KAZN: variants seen among roughly 807,000 people sequenced by gnomAD.
The protein encoded by KAZN is kazrin.
Under a neutral mutation model 87.4 loss-of-function variants are expected in KAZN, and 40 were observed. The ratio of observed to expected loss-of-function variants is 0.46; its 90% CI spans 0.36 to 0.60. The LOEUF is 0.60. Ranked by LOEUF, KAZN falls within the 20% of genes least tolerant of loss-of-function variation. The pLI is 0.00. For synonymous variants in KAZN, 466 were observed against 458.3 expected (o/e 1.02, Z -0.22); for missense variants, 898 against 1,073.9 (o/e 0.84, Z 2.29).
chr1:14,609,245 G>A (rs945626902), intron 1 of KAZN, among the ~76,000 whole-genome samples: 8 of 152,196 alleles, frequency 5.3e-5, no homozygotes, highest in African/African-American at 1.4e-4. Flanking sequence ...GGCAAGGCTT[G>A]GGTGCCATTT....
chr1:13,952,979 A>G (rs1219018944), intron 1 of KAZN, among the ~76,000 whole-genome samples: 1 of 152,178 alleles, frequency 6.6e-6, no homozygotes, highest in Non-Finnish European at 1.5e-5. Flanking sequence ...ATCATAAAAG[A>G]TATTCGAACA....
At chr1:15,112,329 A>ATGTGTG (rs58658629) in intron 13 of KAZN, 98 bp from the exon 14 acceptor site, 870 of 638,510 alleles carry the variant, frequency 1.4e-3, no homozygotes, top group African/African-American at 4.0e-3. Flanking sequence ...ATTGTCACCA[A>ATGTGTG]TGTGTGTGTG....
intron 2 of KAZN, among the ~76,000 whole-genome samples, chr1:14,386,404 A>C (rs1331424867): frequency 6.6e-6 from 1 of 151,762 alleles, no homozygotes; most frequent in African/African-American, 2.4e-5. Context: ...GTTTCTTCCT[A>C]GTCTCAATGG....
rs779188001 is a variant in KAZN at position 14,512,578 on chromosome 1, A to C, written c.250-86405A>C. Reference sequence around the variant, plus strand: ...AATCTACTGACTCAAGAAAGCACCAACTAGCTCCAATTCCCTAATTTCACA... The same window carrying C: ...AATCTACTGACTCAAGAAAGCACCACCTAGCTCCAATTCCCTAATTTCACA... On this transcript the variant is annotated intron_variant, in intron 2 of 16. Transcript: ENST00000636203. Among the ~76,000 whole-genome samples the C allele has an allele frequency of 6.2e-4, 88 of 142,572 alleles. 1 individual carries two copies. Among genetic ancestry groups the C allele is most frequent in the Non-Finnish European group, 5.6e-4 (37 of 66,650 alleles). The allele number at this position is 142,572 out of a possible 152,430, so 93.5% of individuals were successfully genotyped here.
At chr1:15,007,799 G>A (rs1000500492) in intron 2 of KAZN, among the ~76,000 whole-genome samples, 2 of 152,188 alleles carry the variant, frequency 1.3e-5, no homozygotes, top group African/African-American at 4.8e-5. Context: ...TAACAAACCT[G>A]AATGCCACCG....
intron 2 of KAZN, among the ~76,000 whole-genome samples, chr1:14,571,751 G>C (rs912795449): frequency 1.3e-5 from 2 of 152,178 alleles, no homozygotes; most frequent in Non-Finnish European, 2.9e-5. Flanking sequence ...CCTCCGCCAA[G>C]ATTCCATAGA....
chr1:14,946,589 G>A (rs937506934), intron 1 of KAZN, among the ~76,000 whole-genome samples: 20 of 152,090 alleles, frequency 1.3e-4, no homozygotes, highest in Non-Finnish European at 2.5e-4. Flanking sequence ...GAAAGCACGC[G>A]TCTGTTCACT....
chr1:15,027,800 G>A (rs16851160), intron 2 of KAZN, among the ~76,000 whole-genome samples: 3,323 of 152,162 alleles, frequency 0.022, 67 homozygotes, highest in African/African-American at 0.057. Flanking sequence ...CTGACCTTGC[G>A]ACATCCAGGA....
chr1:14,787,973 A>G (rs1190019602), intron 1 of KAZN, among the ~76,000 whole-genome samples: 3 of 152,226 alleles, frequency 2.0e-5, no homozygotes, highest in African/African-American at 7.2e-5. Context: ...AACCAAGCCA[A>G]TCAGCGGTGA....
chr1:14,476,171 A>G (rs1485470224), intron 2 of KAZN, among the ~76,000 whole-genome samples: 1 of 151,870 alleles, frequency 6.6e-6, no homozygotes, highest in Non-Finnish European at 1.5e-5. Context: ...ACTCTCTACT[A>G]TTTCCCTAGG....
intron 1 of KAZN, among the ~76,000 whole-genome samples, chr1:14,146,115 G>C (rs571898436): frequency 1.3e-5 from 2 of 152,042 alleles, no homozygotes; most frequent in South Asian, 4.2e-4. Context: ...TGGGTCACCT[G>C]AACAGTCATG....
chr1:14,225,558 G>A (rs1647235652), intron 2 of KAZN, among the ~76,000 whole-genome samples: 1 of 151,904 alleles, frequency 6.6e-6, no homozygotes, highest in Non-Finnish European at 1.5e-5. Context: ...AAAAAAATAA[G>A]CCTGAATAGC....
chr1:14,160,857 T>C (rs535848595), intron 1 of KAZN, among the ~76,000 whole-genome samples: 1 of 152,220 alleles, frequency 6.6e-6, no homozygotes, highest in Non-Finnish European at 1.5e-5. Context: ...TTTAGAAGAT[T>C]GCATCTGATG....
At chr1:14,445,625 C>T (rs1666942722) in intron 2 of KAZN, among the ~76,000 whole-genome samples, 1 of 152,148 alleles carries the variant, frequency 6.6e-6, no homozygotes, top group Non-Finnish European at 1.5e-5. Context: ...GGAACACCAA[C>T]ATGGTGGTCT....
intron 2 of KAZN, among the ~76,000 whole-genome samples, chr1:14,568,578 C>T (rs536940281): frequency 6.6e-6 from 1 of 152,244 alleles, no homozygotes; most frequent in Non-Finnish European, 1.5e-5. Flanking sequence ...GAGAACAGCA[C>T]AGGAAAAATC....
intron 1 of KAZN, among the ~76,000 whole-genome samples, chr1:14,020,081 T>A (rs980913155): frequency 6.6e-6 from 1 of 151,918 alleles, no homozygotes; most frequent in Non-Finnish European, 1.5e-5. Flanking sequence ...TAGATTCTCA[T>A]CAGGAGCATG....
intron 1 of KAZN, among the ~76,000 whole-genome samples, chr1:14,851,488 C>T (rs1003579966): frequency 1.3e-5 from 2 of 152,210 alleles, no homozygotes; most frequent in Non-Finnish European, 2.9e-5. Flanking sequence ...GTGCAGAGGG[C>T]CCATGGAGCC....
chr1:14,015,199 G>A (rs1165068593), intron 1 of KAZN, among the ~76,000 whole-genome samples: 1 of 152,088 alleles, frequency 6.6e-6, no homozygotes, highest in Admixed American at 6.5e-5. Flanking sequence ...CCAACATTAT[G>A]TGTGTGCCAA....
chr1:14,356,693 C>T (rs953408928), intron 2 of KAZN, among the ~76,000 whole-genome samples: 1 of 152,136 alleles, frequency 6.6e-6, no homozygotes, highest in African/African-American at 2.4e-5. Flanking sequence ...ATCCTTTCCC[C>T]ATTGCTTGTT....
Sources: allele counts gnomAD v4.1 joint callset (sites outside exome capture counted in the v4.1 genomes callset), GRCh38; gene constraint gnomAD v4.1.1; transcripts MANE v1.5; gene names NCBI Gene and HGNC (gene_info 2026-07-23, HGNC 2026-07-21).